The following CTNNA2 variants were observed in gnomAD, a reference collection of about 807,000 sequenced individuals.
CTNNA2 encodes catenin alpha-2.
Under a neutral mutation model 101.0 loss-of-function variants are expected in CTNNA2, and 42 were observed. That is an observed-to-expected ratio of 0.42 (90% CI 0.32 to 0.54). The LOEUF is 0.54. Ranked by LOEUF, CTNNA2 falls within the 20% of genes least tolerant of loss-of-function variation. The probability of loss-of-function intolerance (pLI) is 0.14; values close to 1 mark genes in which losing one functional copy is unlikely to be tolerated. For synonymous variants in CTNNA2, 450 were observed against 456.4 expected, an observed-to-expected ratio of 0.99 and a Z score of 0.18; for missense variants, 871 against 1,223.1, an observed-to-expected ratio of 0.71 and a Z score of 4.29.
intron 3 of CTNNA2, among the ~76,000 whole-genome samples, chr2:79,318,763 A>G (rs910622715): frequency 1.6e-4 from 25 of 152,346 alleles, no homozygotes; most frequent in Admixed American, 1.4e-3. Flanking sequence ...CTTTCTTGCT[A>G]CAACAGAGTG....
chr2:79,531,826 C>T (rs774264262), intron 1 of CTNNA2, among the ~76,000 whole-genome samples: 6 of 151,932 alleles, frequency 3.9e-5, no homozygotes, highest in East Asian at 3.9e-4. Context: ...GGATTACAGG[C>T]GCGTGCCACA....
At chr2:79,591,362 C>T (rs1482484772) in intron 1 of CTNNA2, among the ~76,000 whole-genome samples, 10 of 151,986 alleles carry the variant, frequency 6.6e-5, no homozygotes, top group African/African-American at 1.2e-4. Flanking sequence ...CCTTGAAGAC[C>T]GTATTAAGAC....
rs79535956 is a variant in CTNNA2 at position 79,407,939 on chromosome 2, C to T, written c.-135+33926C>T. ...CATTTGTTATGAATCTATTTTAACC[C>T]ACTAGCACACTGCTGTATCTTTGTT... is the stretch of plus-strand genomic sequence containing the variant. On this transcript the variant is annotated intron_variant, in intron 4 of 21. Transcript: ENST00000466387. Among the ~76,000 whole-genome samples the T allele has an allele frequency of 2.1e-3, 317 of 152,094 alleles. 1 individual carries two copies. Among genetic ancestry groups the T allele is most frequent in the African/African-American group, 6.9e-3 (286 of 41,514 alleles).
At chr2:79,310,504 C>G (rs1676341970) in intron 2 of CTNNA2, among the ~76,000 whole-genome samples, 1 of 152,204 alleles carries the variant, frequency 6.6e-6, no homozygotes, top group Non-Finnish European at 1.5e-5. Flanking sequence ...TTAACAGACT[C>G]TTCCTCTTCT....
chr2:80,069,555 C>A (rs1165484385), intron 7 of CTNNA2, among the ~76,000 whole-genome samples: 1 of 152,148 alleles, frequency 6.6e-6, no homozygotes, highest in Admixed American at 6.5e-5. Flanking sequence ...AAGGTGAAAT[C>A]TTTGTCTGAT....
chr2:79,601,020 A>G (rs553339205), intron 1 of CTNNA2, among the ~76,000 whole-genome samples: 4 of 152,276 alleles, frequency 2.6e-5, no homozygotes, highest in Admixed American at 2.6e-4. Flanking sequence ...CAAACATTCA[A>G]TTCGTAACAG....
At chr2:80,559,896 A>ACACG (rs1693415169) in intron 12 of CTNNA2, among the ~76,000 whole-genome samples, 1 of 149,888 alleles carries the variant, frequency 6.7e-6, no homozygotes. Flanking sequence ...ATATATACAC[A>ACACG]CACATACAGT....
At chr2:80,368,087 T>C (rs1675101421) in intron 7 of CTNNA2, among the ~76,000 whole-genome samples, 1 of 152,154 alleles carries the variant, frequency 6.6e-6, no homozygotes, top group African/African-American at 2.4e-5. Context: ...GATCACACAA[T>C]ATCAATTTAG....
intron 7 of CTNNA2, among the ~76,000 whole-genome samples, chr2:80,205,988 T>C (rs1707508801): frequency 6.6e-6 from 1 of 152,242 alleles, no homozygotes; most frequent in African/African-American, 2.4e-5. Context: ...ACTTTAGATA[T>C]AGCCTTTCAC....
intron 4 of CTNNA2, among the ~76,000 whole-genome samples, chr2:79,465,656 A>C (rs996447259): frequency 7.9e-5 from 12 of 152,182 alleles, no homozygotes; most frequent in African/African-American, 2.4e-4. Flanking sequence ...CTTTTATTTC[A>C]TTGAGCAGTG....
intron 4 of CTNNA2, among the ~76,000 whole-genome samples, chr2:79,400,536 C>T (rs1225780942): frequency 6.6e-6 from 1 of 151,688 alleles, no homozygotes; most frequent in South Asian, 2.1e-4. Context: ...GCTGCAGATG[C>T]GAACTGTCGA....
chr2:80,487,202 A>G (rs1311663402), intron 9 of CTNNA2, among the ~76,000 whole-genome samples: 1 of 149,362 alleles, frequency 6.7e-6, no homozygotes, highest in Non-Finnish European at 1.5e-5. Context: ...AATCGCTTGA[A>G]CCCAGGAGGC....
chr2:80,328,091 T>C (rs1670984729), intron 7 of CTNNA2, among the ~76,000 whole-genome samples: 1 of 152,210 alleles, frequency 6.6e-6, no homozygotes, highest in Admixed American at 6.5e-5. Flanking sequence ...TCTGGAGTGA[T>C]GAGGAGAGCT....
At chr2:79,526,076 A>C (rs1421184820) in intron 1 of CTNNA2, among the ~76,000 whole-genome samples, 1 of 152,022 alleles carries the variant, frequency 6.6e-6, no homozygotes, top group African/African-American at 2.4e-5. Flanking sequence ...ACAGTTGCAG[A>C]GCTGTTCTTA....
At chr2:79,521,001 A>G (rs1428183801) in intron 1 of CTNNA2, among the ~76,000 whole-genome samples, 2 of 151,366 alleles carry the variant, frequency 1.3e-5, no homozygotes, top group Non-Finnish European at 2.9e-5. Flanking sequence ...TTTTGCATGA[A>G]AATTAATAAC....
chr2:80,496,543 G>A (rs1267119970), intron 9 of CTNNA2, among the ~76,000 whole-genome samples: 1 of 151,854 alleles, frequency 6.6e-6, no homozygotes, highest in African/African-American at 2.4e-5. Context: ...GACTTAGTAT[G>A]ACTTAGGACA....
At chr2:80,285,492 A>G (rs1674684794) in intron 7 of CTNNA2, among the ~76,000 whole-genome samples, 1 of 152,174 alleles carries the variant, frequency 6.6e-6, no homozygotes. Context: ...TTCTTACCTC[A>G]GAGTGATTTC....
chr2:80,480,175 T>G (rs997597409), intron 9 of CTNNA2, among the ~76,000 whole-genome samples: 7 of 152,196 alleles, frequency 4.6e-5, no homozygotes, highest in South Asian at 2.1e-4. Flanking sequence ...TCCCACAAAT[T>G]AAAGTTTTAA....
At chr2:80,084,672 A>C (rs563502315) in intron 7 of CTNNA2, among the ~76,000 whole-genome samples, 1 of 152,128 alleles carries the variant, frequency 6.6e-6, no homozygotes, top group Admixed American at 6.6e-5. Flanking sequence ...ACAATCTTGC[A>C]TGAATACATT....
Sources: gnomAD v4.1 joint callset for allele counts (sites outside exome capture counted in the v4.1 genomes callset) on GRCh38, gnomAD v4.1.1 for gene constraint, MANE v1.5 for transcripts, NCBI Gene and HGNC (gene_info 2026-07-23, HGNC 2026-07-21) for gene names.